The following USP15 variants were observed in gnomAD, a reference collection of about 807,000 sequenced individuals.
USP15 encodes the protein ubiquitin specific peptidase 15, also known as ubiquitin carboxyl-terminal hydrolase 15.
A neutral mutation model predicts 127.1 loss-of-function variants in USP15; 18 were observed. The ratio of observed to expected loss-of-function variants is 0.14; its 90% CI spans 0.10 to 0.21. The LOEUF (loss-of-function observed/expected upper bound fraction) is 0.21. Among genes scored for constraint, USP15 ranks in the 10% least tolerant of loss-of-function variants. USP15 has a pLI of 1.00. For synonymous variants in USP15, 364 were observed against 393.7 expected (o/e 0.92, Z 0.89); for missense variants, 805 against 1,159.9 (o/e 0.69, Z 4.44).
At chr12:62,315,095 A>G (rs1268926618) in intron 4 of USP15, 179 bp downstream of exon 4, 10 of 536,214 alleles carry the variant, frequency 1.9e-5, no homozygotes, top group Non-Finnish European at 2.8e-5. Context: ...ATGCTTTTGC[A>G]TTTATTAAAT....
intron 6 of USP15, among the ~76,000 whole-genome samples, chr12:62,327,022 C>T (rs189401930): frequency 5.9e-5 from 9 of 152,070 alleles, no homozygotes; most frequent in Admixed American, 1.3e-4. Flanking sequence ...CCCAGCTACT[C>T]GGGAGGCTGA....
intron 6 of USP15, among the ~76,000 whole-genome samples, chr12:62,331,494 G>C (rs1192085894): frequency 1.3e-5 from 2 of 152,136 alleles, no homozygotes; most frequent in Non-Finnish European, 2.9e-5. Context: ...GTTAGCCAAG[G>C]AATTTGCATT....
chr12:62,303,013 T>G, intron 3 of USP15, 93 bp downstream of exon 3: 1 of 1,432,794 alleles, frequency 7.0e-7, no homozygotes. Flanking sequence ...TTTCATCACT[T>G]ATCTTAGAGA....
intron 1 of USP15, among the ~76,000 whole-genome samples, chr12:62,291,804 T>G (rs1000273882): frequency 6.6e-6 from 1 of 152,212 alleles, no homozygotes; most frequent in South Asian, 2.1e-4. Flanking sequence ...TTCTCAAACA[T>G]CAGGTGTGAT....
Position 62,285,835 on chromosome 12 carries a change from ATTTTTAGT to A in USP15, c.90-8338_90-8331del, listed in dbSNP as rs1168791345. On this transcript the variant is annotated intron_variant, in intron 1 of 21. Coordinates refer to ENST00000280377, the MANE Select transcript of USP15 (RefSeq NM_001252078.2). Reference sequence around the variant, plus strand: ...AATTACTAGATCCAGTGATAGTTCTATTTTTAGTTTTTTGAGAAATCTCCATACTGTTT... The same window carrying A: ...AATTACTAGATCCAGTGATAGTTCTATTTTTGAGAAATCTCCATACTGTTT... Among the ~76,000 whole-genome samples, 13 of 152,084 alleles carry A rather than the reference ATTTTTAGT, an allele frequency of 8.5e-5. 1 individual carries two copies. The highest frequency in any genetic ancestry group is 1.5e-5 in the Non-Finnish European group (1 of 67,982).
intron 1 of USP15, among the ~76,000 whole-genome samples, chr12:62,261,820 A>G (rs1420708513): frequency 6.6e-6 from 1 of 152,162 alleles, no homozygotes; most frequent in Non-Finnish European, 1.5e-5. Context: ...CCTTGATCTA[A>G]GTCTTAGTCT....
At chr12:62,268,285 G>T (rs1488419719) in intron 1 of USP15, among the ~76,000 whole-genome samples, 1 of 152,048 alleles carries the variant, frequency 6.6e-6, no homozygotes, top group East Asian at 1.9e-4. Context: ...CTTAAAGCTT[G>T]CATTTTAAAT....
intron 1 of USP15, among the ~76,000 whole-genome samples, chr12:62,293,591 A>G (rs1344266173): frequency 6.6e-6 from 1 of 152,008 alleles, no homozygotes; most frequent in Admixed American, 6.6e-5. Context: ...CCTGACCTCA[A>G]CTGATCCACC....
chr12:62,286,806 G>T (rs567847895), intron 1 of USP15, among the ~76,000 whole-genome samples: 1 of 151,890 alleles, frequency 6.6e-6, no homozygotes, highest in Non-Finnish European at 1.5e-5. Flanking sequence ...GCGAGGTGGC[G>T]CATGCCTGTA....
intron 2 of USP15, among the ~76,000 whole-genome samples, chr12:62,294,926 G>A (rs1311047957): frequency 6.6e-6 from 1 of 152,100 alleles, no homozygotes; most frequent in Admixed American, 6.5e-5. Flanking sequence ...TGAGAGATGC[G>A]AAACAAAATA....
At chr12:62,398,192 C>A (rs1283705899) in intron 20 of USP15, among the ~76,000 whole-genome samples, 1 of 151,832 alleles carries the variant, frequency 6.6e-6, no homozygotes, top group African/African-American at 2.4e-5. Context: ...GGGGTTTCAC[C>A]ATGGTGCCCA....
Position 62,324,670 on chromosome 12 carries a change from A to G in USP15, c.622-1202A>G, listed in dbSNP as rs138977167. Among the ~76,000 whole-genome samples the G allele has an allele frequency of 2.2e-3, 337 of 152,086 alleles. 2 individuals carry two copies. The highest frequency in any genetic ancestry group is 8.0e-3 in the African/African-American group (332 of 41,574). On this transcript the variant is annotated intron_variant, in intron 5 of 21. Transcript: ENST00000280377. ...GGTACATGGTACATTTATTTTTTATATGGTACAAATACACTTTTTAATGTG... is the reference window on the plus strand; with the variant it reads ...GGTACATGGTACATTTATTTTTTATGTGGTACAAATACACTTTTTAATGTG...
intron 3 of USP15, 39 bp from the exon 4 acceptor site, chr12:62,314,751 A>G: frequency 6.8e-7 from 1 of 1,479,112 alleles, no homozygotes; most frequent in Non-Finnish European, 9.0e-7. Flanking sequence ...AAATATATTG[A>G]TATAGGTGAC....
At chr12:62,335,255 G>A in intron 6 of USP15, 1 of 1,525,258 alleles carries the variant, frequency 6.6e-7, no homozygotes. Context: ...ATCATCCACA[G>A]ACTGACCAGT....
chr12:62,267,212 G>A (rs549627828), intron 1 of USP15: 1 of 151,958 alleles, frequency 6.6e-6, no homozygotes, highest in South Asian at 2.1e-4. Context: ...TCATTCCTCT[G>A]AAGCCACTTC....
rs552483691 is a variant in USP15, at chr12:62,332,452, G to T, written c.683+6519G>T. On this transcript the variant is annotated intron_variant, in intron 6 of 21. Transcript: ENST00000280377. ...TTAGCATTGGGTGGATAATCTAGTTGTTCTATTGCAGACGTGTAGCTAGTA... is the reference window on the plus strand; with the variant it reads ...TTAGCATTGGGTGGATAATCTAGTTTTTCTATTGCAGACGTGTAGCTAGTA... Among the ~76,000 whole-genome samples, 26 of 151,580 alleles carry T rather than the reference G, an allele frequency of 1.7e-4. No individual in the cohort carries two copies. In the East Asian group the frequency reaches 4.8e-3, roughly 28 times the overall value.
chr12:62,294,394 G>T, intron 2 of USP15, 88 bp downstream of exon 2: 1 of 1,445,896 alleles, frequency 6.9e-7, no homozygotes. Context: ...AAATGTTAGC[G>T]CAAATAAGTT....
intron 8 of USP15, among the ~76,000 whole-genome samples, chr12:62,359,066 C>T (rs1381255353): frequency 4.6e-5 from 7 of 151,266 alleles, no homozygotes; most frequent in East Asian, 3.9e-4. Flanking sequence ...TTTAAGTTAC[C>T]GTGGAAAGTT....
intron 6 of USP15, among the ~76,000 whole-genome samples, chr12:62,344,007 G>T (rs1361180217): frequency 1.3e-5 from 2 of 152,088 alleles, no homozygotes; most frequent in African/African-American, 4.8e-5. Flanking sequence ...GATGAGATTT[G>T]GGTGGGGACA....
Sources: allele counts gnomAD v4.1 joint callset (sites outside exome capture counted in the v4.1 genomes callset), GRCh38; gene constraint gnomAD v4.1.1; transcripts MANE v1.5; gene names NCBI Gene and HGNC (gene_info 2026-07-23, HGNC 2026-07-21).